MYH14: variants seen among roughly 807,000 people sequenced by gnomAD.
MYH14 encodes myosin-14.
Under a neutral mutation model 255.5 loss-of-function variants are expected in MYH14, and 123 were observed. That is an observed-to-expected ratio of 0.48 (90% CI 0.42 to 0.56). The LOEUF (loss-of-function observed/expected upper bound fraction) is 0.56, where lower values mean the gene tolerates loss of function less well. Among genes scored for constraint, MYH14 ranks in the 20% least tolerant of loss-of-function variants. MYH14 has a pLI of 0.00. For missense variants in MYH14, 2,423 were observed against 2,802.3 expected (o/e 0.86, Z 3.06); for synonymous variants, 1,095 against 1,161.2 (o/e 0.94, Z 1.16).
intron 10 of MYH14, among the ~76,000 whole-genome samples, chr19:50,234,066 C>T (rs936496357): frequency 4.0e-5 from 6 of 151,870 alleles, no homozygotes; most frequent in Non-Finnish European, 5.9e-5. Context: ...GTGATCCTCC[C>T]GCCTCCGCCT....
In MYH14 at chr19:50,259,283, C is replaced by T. The variant is rs2034730344; in HGVS notation, c.2354+18C>T. 4 of 1,558,590 alleles carry T rather than the reference C, an allele frequency of 2.6e-6. No homozygotes were observed. The highest frequency in any genetic ancestry group is 3.5e-6 in the Non-Finnish European group (4 of 1,151,184). ...CGGCAGCGGTGAGCTAGAGCGAGGG[C>T]CCAGGCCCGGCGGAGGGGCTGGGTG... On this transcript the variant is annotated intron_variant, in intron 19 of 42. Transcript: ENST00000642316.
chr19:50,260,497 T>C, intron 19 of MYH14, 149 bp from the exon 20 acceptor site: 1 of 634,098 alleles, frequency 1.6e-6, no homozygotes, highest in South Asian at 1.8e-5. Context: ...GTGGCGTGAA[T>C]GCTCAGATGT....
At chr19:50,253,217 C>T (rs1010912074) in intron 16 of MYH14, among the ~76,000 whole-genome samples, 14 of 152,162 alleles carry the variant, frequency 9.2e-5, no homozygotes, top group African/African-American at 1.7e-4. Flanking sequence ...CCAAGGTGGG[C>T]GGATCACTTG....
At chr19:50,222,421 A>G (rs987755065) in intron 3 of MYH14, among the ~76,000 whole-genome samples, 12 of 144,376 alleles carry the variant, frequency 8.3e-5, no homozygotes, top group African/African-American at 3.0e-4. Flanking sequence ...CAGAGCTTGC[A>G]GTGAGCCGAG....
chr19:50,300,546 C>T (rs1327166453), intron 39 of MYH14, among the ~76,000 whole-genome samples: 25 of 151,892 alleles, frequency 1.6e-4, no homozygotes, highest in African/African-American at 6.0e-4. Flanking sequence ...GTCAGGAGTT[C>T]GAGACCAGCC....
intron 17 of MYH14, 69 bp downstream of exon 17, chr19:50,255,387 C>A: frequency 8.1e-7 from 1 of 1,240,086 alleles, no homozygotes; most frequent in Non-Finnish European, 1.1e-6. Flanking sequence ...GGGCTGGGGA[C>A]CTGGTTTTGA....
At chr19:50,213,442 G>A (rs1446292196) in intron 2 of MYH14, among the ~76,000 whole-genome samples, 1 of 152,172 alleles carries the variant, frequency 6.6e-6, no homozygotes, top group Non-Finnish European at 1.5e-5. Flanking sequence ...CCAGGTCCTA[G>A]CCATTGCACT....
chr19:50,257,804 C>T (rs748481507), intron 18 of MYH14, among the ~76,000 whole-genome samples: 5 of 152,156 alleles, frequency 3.3e-5, no homozygotes, highest in African/African-American at 1.2e-4. Flanking sequence ...CCAAAATGAA[C>T]GTCCAGTTAA....
At chr19:50,240,584 C>T (rs1462848751) in intron 10 of MYH14, among the ~76,000 whole-genome samples, 1 of 151,426 alleles carries the variant, frequency 6.6e-6, no homozygotes, top group East Asian at 1.9e-4. Context: ...GACTCTGTCT[C>T]TTTAAAAAAA....
chr19:50,228,391 G>A (rs1385167255), intron 8 of MYH14, among the ~76,000 whole-genome samples: 1 of 151,986 alleles, frequency 6.6e-6, no homozygotes, highest in Non-Finnish European at 1.5e-5. Flanking sequence ...CTGCTAATAA[G>A]CCACATCCCC....
At chr19:50,231,176 C>T (rs981711762) in intron 9 of MYH14, among the ~76,000 whole-genome samples, 4 of 152,240 alleles carry the variant, frequency 2.6e-5, no homozygotes, top group African/African-American at 7.2e-5. Context: ...TCCCTCTGCT[C>T]CTGGCTCCTT....
At chr19:50,205,272 T>C (rs1465836115) in intron 1 of MYH14, among the ~76,000 whole-genome samples, 1 of 152,182 alleles carries the variant, frequency 6.6e-6, no homozygotes, top group East Asian at 1.9e-4. Context: ...GCCCTCGACC[T>C]TTGCCCTCCA....
rs757054685 is a variant in MYH14, at chr19:50,276,917, G to A, written c.3825+16G>A. ...GGCCCGGAGGGTGGGTTGGGGCAGG[G>A]GGACAGGGCAGGGGGGCCACGGGGA... On this transcript the variant is annotated intron_variant, in intron 29 of 42. Transcript: ENST00000642316. The surrounding 1 kb of genome is among the most constrained non-coding windows in gnomAD (Gnocchi z 4.3). 1 of 1,588,972 alleles carries A rather than the reference G, an allele frequency of 6.3e-7. No homozygotes were observed. Among genetic ancestry groups the A allele is most frequent in the African/African-American group, 1.3e-5 (1 of 74,544 alleles).
At chr19:50,234,998 A>G (rs1251239742) in intron 10 of MYH14, among the ~76,000 whole-genome samples, 2 of 152,180 alleles carry the variant, frequency 1.3e-5, no homozygotes, top group Non-Finnish European at 2.9e-5. Context: ...AGGAGGAGGC[A>G]TTCTCTAACC....
rs745614655 is a variant in MYH14 at position 50,261,481 on chromosome 19, G to T, written c.2431G>T (p.Ala811Ser). ...GKQACEKMIQ[A>S]LELDPNLYRV... Reference sequence around the variant, plus strand: ...CCTCTCCCACCCCTCACAGATCCAGGCGCTGGAACTGGACCCCAACCTCTA... The same window carrying T: ...CCTCTCCCACCCCTCACAGATCCAGTCGCTGGAACTGGACCCCAACCTCTA... Residue 811 changes from alanine (A) to serine (S), a missense_variant, in exon 21 of 43, where the codon GCG (alanine) becomes TCG (serine). Coordinates refer to ENST00000642316, the MANE Select transcript of MYH14 (RefSeq NM_001145809.2). The T allele has an allele frequency of 4.9e-6, 7 of 1,434,342 alleles. No individual in the cohort carries two copies. In the Admixed American group the frequency reaches 1.4e-4, roughly 29 times the overall value. The allele number at this position is 1,434,342 out of a possible 1,614,324, so 88.9% of individuals were successfully genotyped here.
intron 1 of MYH14, among the ~76,000 whole-genome samples, chr19:50,204,320 C>T (rs997811974): frequency 3.9e-5 from 6 of 152,122 alleles, no homozygotes; most frequent in South Asian, 2.1e-4. Context: ...CCTTTTCAGT[C>T]CCACAGGAGT....
At chr19:50,264,217 G>A (rs1333001266) in intron 22 of MYH14, among the ~76,000 whole-genome samples, 1 of 152,134 alleles carries the variant, frequency 6.6e-6, no homozygotes, top group Non-Finnish European at 1.5e-5. Context: ...TATGCACGGA[G>A]TATTGCCAAC....
chr19:50,282,464 G>A (rs1294605024), intron 33 of MYH14, among the ~76,000 whole-genome samples: 1 of 152,218 alleles, frequency 6.6e-6, no homozygotes, highest in Non-Finnish European at 1.5e-5. Flanking sequence ...CACTTTGGGA[G>A]GCCAAGGCGG....
Position 50,260,776 on chromosome 19 carries a change from C to T in MYH14, c.2424+61C>T, listed in dbSNP as rs550905731. 3.8e-4 allele frequency: 479 copies of T among 1,270,044 alleles called. 2 individuals carry two copies. The highest frequency in any genetic ancestry group is 1.1e-3 in the Middle Eastern group (6 of 5,446). 78.7% of individuals were successfully genotyped at this position (1,270,044 alleles called of 1,614,324 possible). ...GTGTGTGTGTGCGTGCATGAGTGTG[C>T]GTGCATGTGTGTGTGCATGCATATG... is the stretch of plus-strand genomic sequence containing the variant. On this transcript the variant is annotated intron_variant, in intron 20 of 42. Coordinates refer to ENST00000642316, the MANE Select transcript of MYH14 (RefSeq NM_001145809.2).
Sources: gnomAD v4.1 joint callset for allele counts (sites outside exome capture counted in the v4.1 genomes callset) on GRCh38, gnomAD v4.1.1 for gene constraint, Gnocchi (gnomAD v3.1) non-coding constraint, MANE v1.5 for transcripts, NCBI Gene and HGNC (gene_info 2026-07-23, HGNC 2026-07-21) for gene names.